SLC22A24: variants seen among roughly 807,000 people sequenced by gnomAD.
The protein encoded by SLC22A24 is steroid transmembrane transporter SLC22A24.
SLC22A24 carries 53 observed loss-of-function variants against 49.8 expected under a neutral mutation model. The ratio of observed to expected loss-of-function variants is 1.06; its 90% CI spans 0.85 to 1.34. The LOEUF (loss-of-function observed/expected upper bound fraction) is 1.34. Among genes scored for constraint, SLC22A24 ranks in the 40% most tolerant of loss-of-function variants. The probability of loss-of-function intolerance (pLI) is 0.00; values close to 1 mark genes in which losing one functional copy is unlikely to be tolerated. For synonymous variants in SLC22A24, 302 were observed against 256.4 expected (o/e 1.18, Z -1.70); for missense variants, 786 against 675.9 (o/e 1.16, Z -1.81).
At chr11:63,120,086 A>G (rs538095291) in intron 2 of SLC22A24, among the ~76,000 whole-genome samples, 1 of 150,448 alleles carries the variant, frequency 6.6e-6, no homozygotes, top group South Asian at 2.1e-4. Context: ...GTTCACTCTG[A>G]CGGTAGTTTC....
At position 63,083,149 on chromosome 11, in the gene SLC22A24, A is replaced by G. The variant is rs903232957; in HGVS notation, c.1285+94T>C. On this transcript the variant is annotated intron_variant, in intron 7 of 9. Transcript: ENST00000612278. ...GGGAATCTTTTGGCTGTCAAGGGCAATGCTGTTCTTTTGGCACCAGGCATA... is the reference window on the plus strand; with the variant it reads ...GGGAATCTTTTGGCTGTCAAGGGCAGTGCTGTTCTTTTGGCACCAGGCATA... 13 of 995,416 alleles carry G rather than the reference A, an allele frequency of 1.3e-5. No homozygotes were observed. In the South Asian group the frequency reaches 1.5e-4, roughly 12 times the overall value. 61.7% of individuals were successfully genotyped at this position (995,416 alleles called of 1,614,324 possible). A position where few individuals can be genotyped will look rare whatever the true frequency, so the allele number is the denominator to read the frequency against.
chr11:63,121,182 A>C (rs11231373), intron 2 of SLC22A24, among the ~76,000 whole-genome samples: 18,193 of 152,170 alleles, frequency 0.12, 1,215 homozygotes, highest in Middle Eastern at 0.16. Context: ...AATTGTAATA[A>C]ATGTATCACA....
chr11:63,141,705 A>G (rs1190277062), intron 1 of SLC22A24, among the ~76,000 whole-genome samples: 4 of 152,210 alleles, frequency 2.6e-5, no homozygotes, highest in South Asian at 2.1e-4. Context: ...CGGCTTTTAA[A>G]AAGCCTTATC....
In SLC22A24 at chr11:63,119,480, G is replaced by A. The variant is rs1225601854; in HGVS notation, c.507-145C>T. On this transcript the variant is annotated intron_variant, in intron 2 of 9. Transcript: ENST00000612278. ...GACACCGGGTGGCATAATTATATTA[G>A]TGAGCAGCAAAAATCACAGATGTAA... is the stretch of plus-strand genomic sequence containing the variant. 1.0e-5 allele frequency: 8 copies of A among 762,156 alleles called. No individual in the cohort carries two copies. The African/African-American group carries it at 1.4e-4, about 13-fold the overall frequency. The allele number at this position is 762,156 out of a possible 1,614,324, so 47.2% of individuals were successfully genotyped here. A position where few individuals can be genotyped will look rare whatever the true frequency, so the allele number is the denominator to read the frequency against.
intron 2 of SLC22A24, among the ~76,000 whole-genome samples, chr11:63,132,698 C>A (rs757265646): frequency 6.6e-6 from 1 of 152,196 alleles, no homozygotes; most frequent in Non-Finnish European, 1.5e-5. Flanking sequence ...GAGCACCCAC[C>A]TGTATGAGGT....
intron 4 of SLC22A24, among the ~76,000 whole-genome samples, chr11:63,117,519 T>C (rs1313577063): frequency 1.3e-5 from 2 of 152,140 alleles, no homozygotes; most frequent in East Asian, 3.9e-4. Context: ...ACTTCCCCTT[T>C]CACCTCATCT....
Position 63,143,696 on chromosome 11 carries a change from G to T in SLC22A24, c.84C>A (p.Asn28Lys), listed in dbSNP as rs779534196. 15 of 1,569,196 alleles carry T rather than the reference G, an allele frequency of 9.6e-6. No individual in the cohort carries two copies. Among genetic ancestry groups the T allele is most frequent in the African/African-American group, 2.7e-5 (2 of 73,124 alleles). ...ICLIAFFCIT[N>K]ILLFPNIVLE... Reference sequence around the variant, plus strand: ...ACACAATATTAGGGAACAGTAGGATGTTGGTGATGCAAAAGAAAGCTATCA... The same window carrying T: ...ACACAATATTAGGGAACAGTAGGATTTTGGTGATGCAAAAGAAAGCTATCA... The change falls in exon 1 of 10, where the codon AAC becomes AAA. Residue 28 changes from asparagine to lysine, a missense_variant. Physicochemically the swap from Asn to Lys is moderately conservative, Grantham distance 94. Transcript: ENST00000612278.
At chr11:63,088,363 A>G (rs2086999670) in intron 6 of SLC22A24, among the ~76,000 whole-genome samples, 1 of 39,644 alleles carries the variant, frequency 2.5e-5, no homozygotes, top group Non-Finnish European at 6.1e-5. Flanking sequence ...AGTAACAAAC[A>G]GAAAGCTACA....
chr11:63,094,504 G>A (rs956175798), intron 6 of SLC22A24, among the ~76,000 whole-genome samples: 6 of 152,124 alleles, frequency 3.9e-5, no homozygotes, highest in Non-Finnish European at 7.4e-5. Context: ...CCAGTAATGG[G>A]ATGGCTGGGT....
chr11:63,085,310 G>C (rs930580859), intron 6 of SLC22A24, among the ~76,000 whole-genome samples: 15 of 152,228 alleles, frequency 9.9e-5, no homozygotes, highest in African/African-American at 3.4e-4. Flanking sequence ...GGAAAAAAAG[G>C]TTGGGAATAT....
intron 9 of SLC22A24, among the ~76,000 whole-genome samples, chr11:63,080,411 C>T (rs2135188801): frequency 6.6e-6 from 1 of 152,180 alleles, no homozygotes; most frequent in Non-Finnish European, 1.5e-5. Flanking sequence ...AGATCCATTT[C>T]CTTCAGATAC....
chr11:63,120,403 T>G (rs2087243287), intron 2 of SLC22A24, among the ~76,000 whole-genome samples: 1 of 151,366 alleles, frequency 6.6e-6, no homozygotes, highest in Non-Finnish European at 1.5e-5. Flanking sequence ...TGTATACGTA[T>G]GTAACTAACC....
At chr11:63,108,742 G>A (rs1319439804) in intron 4 of SLC22A24, among the ~76,000 whole-genome samples, 1 of 151,672 alleles carries the variant, frequency 6.6e-6, no homozygotes, top group Admixed American at 6.6e-5. Context: ...AGTATTCTCT[G>A]ATGGTAGTAT....
intron 6 of SLC22A24, among the ~76,000 whole-genome samples, chr11:63,085,706 A>T (rs117191755): frequency 6.6e-6 from 1 of 152,380 alleles, no homozygotes; most frequent in Non-Finnish European, 1.5e-5. Context: ...CACATAGCCC[A>T]GTGCCTTCGC....
At chr11:63,090,100 A>G (rs2087010681) in intron 6 of SLC22A24, among the ~76,000 whole-genome samples, 1 of 151,124 alleles carries the variant, frequency 6.6e-6, no homozygotes, top group African/African-American at 2.4e-5. Flanking sequence ...AAAAAAAAAA[A>G]AAAAAGACAA....
intron 5 of SLC22A24, among the ~76,000 whole-genome samples, chr11:63,102,507 A>G (rs1476711911): frequency 1.3e-5 from 2 of 152,130 alleles, no homozygotes; most frequent in African/African-American, 4.8e-5. Context: ...ATTTTGTCTA[A>G]CAAAAATAAA....
intron 1 of SLC22A24, among the ~76,000 whole-genome samples, chr11:63,139,241 C>G (rs2087397597): frequency 2.0e-5 from 3 of 151,836 alleles, no homozygotes; most frequent in Admixed American, 2.0e-4. Flanking sequence ...TTTCTGGTAG[C>G]CTGGAACTCC....
At chr11:63,091,066 A>T (rs1344917651) in intron 6 of SLC22A24, among the ~76,000 whole-genome samples, 1 of 151,736 alleles carries the variant, frequency 6.6e-6, no homozygotes, top group Non-Finnish European at 1.5e-5. Context: ...AAGAGAGAAA[A>T]AGAGGTATCA....
chr11:63,118,754 C>G (rs769712140), intron 4 of SLC22A24, 158 bp downstream of exon 4: 1 of 739,156 alleles, frequency 1.4e-6, no homozygotes, highest in East Asian at 2.7e-5. Flanking sequence ...TAGTGTCATC[C>G]TATTCCATTG....
Sources: allele counts gnomAD v4.1 joint callset (sites outside exome capture counted in the v4.1 genomes callset), GRCh38; gene constraint gnomAD v4.1.1; transcripts MANE v1.5; gene names NCBI Gene and HGNC (gene_info 2026-07-23, HGNC 2026-07-21).